The following IL7 variants were observed in gnomAD, a reference collection of about 807,000 sequenced individuals.
The protein encoded by IL7 is interleukin 7, also known as interleukin-7.
A neutral mutation model predicts 21.6 loss-of-function variants in IL7; 3 were observed. That is an observed-to-expected ratio of 0.14 (90% CI 0.06 to 0.36). The LOEUF (loss-of-function observed/expected upper bound fraction) is 0.36, where lower values mean the gene tolerates loss of function less well. Ranked by LOEUF, IL7 falls within the 10% of genes least tolerant of loss-of-function variation. The pLI is 1.00. For synonymous variants in IL7, 62 were observed against 68.1 expected, an observed-to-expected ratio of 0.91 and a Z score of 0.44; for missense variants, 175 against 200.2, an observed-to-expected ratio of 0.87 and a Z score of 0.76.
At position 78,711,302 on chromosome 8, in the gene IL7, A is replaced by C. The variant is rs80216305; in HGVS notation, n.214+10046T>G. 2.0e-4 allele frequency among the ~76,000 whole-genome samples: 31 copies of C among 152,176 alleles called. No homozygotes were observed. In the East Asian group the frequency reaches 6.0e-3, roughly 29 times the overall value. On this transcript the variant is annotated intron_variant and non_coding_transcript_variant, in intron 3 of 4. Coordinates refer to the IL7 transcript ENST00000523959. ...TTGGTTGGTTGATTTAAAACAGTGAAATATCCTACAAACCTGCAGTTTGTC... is the reference window on the plus strand; with the variant it reads ...TTGGTTGGTTGATTTAAAACAGTGACATATCCTACAAACCTGCAGTTTGTC...
At chr8:78,768,648 T>G (rs568062832) in intron 2 of IL7, among the ~76,000 whole-genome samples, 51 of 151,830 alleles carry the variant, frequency 3.4e-4, no homozygotes, top group Middle Eastern at 3.4e-3. Flanking sequence ...TTTGTTTGAG[T>G]TCATTGTAGA....
intron 3 of IL7, among the ~76,000 whole-genome samples, chr8:78,694,252 G>A (rs1364180426): frequency 6.7e-6 from 1 of 149,984 alleles, no homozygotes; most frequent in Non-Finnish European, 1.5e-5. Context: ...GATAATTATA[G>A]CAATATCAAG....
intron 3 of IL7, among the ~76,000 whole-genome samples, chr8:78,727,674 G>A (rs889798165): frequency 1.3e-5 from 2 of 151,842 alleles, no homozygotes; most frequent in Non-Finnish European, 2.9e-5. Context: ...AGGAGGCAAT[G>A]GGTAATTTTA....
intron 2 of IL7, among the ~76,000 whole-genome samples, chr8:78,758,535 A>G (rs1812433070): frequency 6.6e-6 from 1 of 151,956 alleles, no homozygotes; most frequent in Admixed American, 6.6e-5. Context: ...TGTATGGTTG[A>G]TCTAGTAGTG....
At chr8:78,675,984 T>G in exon 5 of IL7, 1 of 755,258 alleles carries the variant, frequency 1.3e-6, no homozygotes, top group Non-Finnish European at 2.1e-6. Context: ...TGGGTACTAT[T>G]CTTTGTTCAA....
At chr8:78,735,281 TTTTTTTTTTTTG>T (rs1161746492) in intron 5 of IL7, among the ~76,000 whole-genome samples, 9 of 130,082 alleles carry the variant, frequency 6.9e-5, no homozygotes, top group Admixed American at 6.0e-4. Context: ...CTTTTCTTTT[TTTTTTTTTTTTG>T]TTTTTTTTTT....
intron 2 of IL7, among the ~76,000 whole-genome samples, chr8:78,784,255 A>G (rs1379268436): frequency 6.6e-6 from 1 of 152,182 alleles, no homozygotes; most frequent in Non-Finnish European, 1.5e-5. Flanking sequence ...ACATTCTGCC[A>G]CGTGAAGATA....
chr8:78,696,033 A>T (rs1458111723), intron 3 of IL7, among the ~76,000 whole-genome samples: 3 of 151,302 alleles, frequency 2.0e-5, no homozygotes, highest in Admixed American at 2.0e-4. Context: ...TTTAAAACCA[A>T]TTTTTCTTTC....
At chr8:78,774,881 CT>C (rs1455723189) in intron 2 of IL7, among the ~76,000 whole-genome samples, 2 of 151,872 alleles carry the variant, frequency 1.3e-5, no homozygotes, top group Admixed American at 6.6e-5. Context: ...GTGAAAATAC[CT>C]CTACAGAATT....
intron 2 of IL7, among the ~76,000 whole-genome samples, chr8:78,786,743 C>A (rs1563435689): frequency 6.6e-6 from 1 of 152,126 alleles, no homozygotes; most frequent in Non-Finnish European, 1.5e-5. Flanking sequence ...CCCATAAAAT[C>A]CTTGAAACCT....
At chr8:78,776,132 G>A (rs1813129750) in intron 2 of IL7, among the ~76,000 whole-genome samples, 1 of 152,138 alleles carries the variant, frequency 6.6e-6, no homozygotes, top group South Asian at 2.1e-4. Context: ...GAGCAATTAT[G>A]ACAATATTCT....
chr8:78,765,928 T>C (rs927501914), intron 2 of IL7, among the ~76,000 whole-genome samples: 4 of 152,126 alleles, frequency 2.6e-5, no homozygotes, highest in African/African-American at 9.7e-5. Context: ...AATGAATATG[T>C]CCTTCAGTAG....
At chr8:78,760,752 C>T (rs1432970347) in intron 2 of IL7, 3 of 1,551,678 alleles carry the variant, frequency 1.9e-6, no homozygotes, top group Non-Finnish European at 1.7e-6. Context: ...CCCTGGTGAG[C>T]TCTGCGGAAT....
intron 3 of IL7, among the ~76,000 whole-genome samples, chr8:78,691,616 C>A (rs1296505795): frequency 6.6e-6 from 1 of 152,008 alleles, no homozygotes; most frequent in Non-Finnish European, 1.5e-5. Context: ...CATCTGTTTT[C>A]TCCTTTTGTA....
At chr8:78,770,767 T>C (rs1242398748) in intron 2 of IL7, among the ~76,000 whole-genome samples, 1 of 151,998 alleles carries the variant, frequency 6.6e-6, no homozygotes, top group Non-Finnish European at 1.5e-5. Context: ...ACACAAATTA[T>C]TTCCTTTTGC....
rs759764406 is a variant in IL7, at chr8:78,798,031, C to T, written c.147+41G>A. On this transcript the variant is annotated intron_variant, in intron 2 of 5. Transcript: ENST00000263851. The stretch of plus-strand genomic sequence containing the variant: ...GCATACCAAAAAGGTTCAAATTTTC[C>T]CAATGCATGAAAATGTGAGTAAAAC... 2.7e-5 allele frequency: 41 copies of T among 1,521,532 alleles called. No homozygotes were observed. The African/African-American group carries it at 3.3e-4, about 12-fold the overall frequency. 94.3% of individuals were successfully genotyped at this position (1,521,532 alleles called of 1,614,324 possible).
At chr8:78,677,366 T>C (rs1048268195) in intron 4 of IL7, among the ~76,000 whole-genome samples, 1 of 150,512 alleles carries the variant, frequency 6.6e-6, no homozygotes, top group Non-Finnish European at 1.5e-5. Flanking sequence ...AAAAAAAAAA[T>C]CTGAATAGTA....
intron 4 of IL7, among the ~76,000 whole-genome samples, chr8:78,682,535 C>T (rs974465745): frequency 8.5e-5 from 13 of 152,124 alleles, no homozygotes; most frequent in Admixed American, 5.9e-4. Context: ...ACGAGCACAA[C>T]ACAGGAAAAA....
intron 5 of IL7, 67 bp from the exon 6 acceptor site, chr8:78,733,899 T>C (rs975866929): frequency 9.3e-7 from 1 of 1,073,178 alleles, no homozygotes; most frequent in Non-Finnish European, 1.3e-6. Context: ...TAAAATACTA[T>C]TTTTCATCAT....
Sources: allele counts gnomAD v4.1 joint callset (sites outside exome capture counted in the v4.1 genomes callset), GRCh38; gene constraint gnomAD v4.1.1; transcripts MANE v1.5; gene names NCBI Gene and HGNC (gene_info 2026-07-23, HGNC 2026-07-21).